The following ZNF429 variants were observed in gnomAD, a reference collection of about 807,000 sequenced individuals.
ZNF429 encodes zinc finger protein 429.
ZNF429 carries 53 observed loss-of-function variants against 56.8 expected under a neutral mutation model. That is an observed-to-expected ratio of 0.93 (90% CI 0.75 to 1.17). The LOEUF (loss-of-function observed/expected upper bound fraction) is 1.17. ZNF429 is among the 50% of genes most tolerant of loss of function. The pLI is 0.00. For missense variants in ZNF429, 849 were observed against 788.4 expected (o/e 1.08, Z -0.92); for synonymous variants, 278 against 264.7 (o/e 1.05, Z -0.49).
intron 1 of ZNF429, chr19:21,521,922 A>T (rs1599459907): frequency 6.6e-6 from 1 of 152,312 alleles, no homozygotes. Flanking sequence ...CTGATGTGGC[A>T]CTGGAGTGCT....
At position 21,539,995 on chromosome 19, in the gene ZNF429, A is replaced by G. The variant is rs549101867; in HGVS notation, c.*1917A>G. Among the ~76,000 whole-genome samples the G allele has an allele frequency of 1.3e-5, 2 of 152,262 alleles. No individual in the cohort carries two copies. The highest frequency in any genetic ancestry group is 1.3e-4 in the Admixed American group (2 of 15,286). ...TTGTGGTTAACTTATTGAGTGATGT[A>G]TGAGGTCGATGTTCAGAGTAATATG... is the stretch of plus-strand genomic sequence containing the variant. On this transcript the variant is annotated 3_prime_UTR_variant, in exon 4 of 4. Transcript: ENST00000358491.
intron 1 of ZNF429, among the ~76,000 whole-genome samples, chr19:21,519,866 A>ATTTTT (rs33916077): frequency 6.9e-6 from 1 of 145,066 alleles, no homozygotes; most frequent in African/African-American, 2.6e-5. Flanking sequence ...GCACCCATGA[A>ATTTTT]TTTTTTTTTT....
At chr19:21,534,303 T>TGCCCAGGCCTGGTCTCAAAC in intron 3 of ZNF429, among the ~76,000 whole-genome samples, 1 of 145,668 alleles carries the variant, frequency 6.9e-6, no homozygotes, top group African/African-American at 2.5e-5. Context: ...ATTTTCCAGT[T>TGCCCAGGCCTGGTCTCAAAC]TTACTTTTGC....
In ZNF429 at chr19:21,535,628, C is replaced by T; in HGVS notation, c.227-652C>T. ...TTTCTGGGTTCAAGTGATTCTCCTG[C>T]CTCAGCCTTCTGAGTAGCTGGGATT... On this transcript the variant is annotated intron_variant, in intron 3 of 3. Transcript: ENST00000358491. 7.9e-5 allele frequency among the ~76,000 whole-genome samples: 12 copies of T among 151,580 alleles called. No homozygotes were observed. The South Asian group carries it at 2.3e-3, about 29-fold the overall frequency.
intron 3 of ZNF429, among the ~76,000 whole-genome samples, chr19:21,533,079 C>T: frequency 6.8e-6 from 1 of 148,098 alleles, no homozygotes; most frequent in African/African-American, 2.5e-5. Context: ...CCACAATGAA[C>T]ATGGGTTTCA....
chr19:21,509,619 T>C (rs1199393644), intron 1 of ZNF429, among the ~76,000 whole-genome samples: 1 of 152,120 alleles, frequency 6.6e-6, no homozygotes. Context: ...ACCCCAGCCA[T>C]GGAAGGAGGC....
At chr19:21,517,841 T>C (rs2032821767) in intron 1 of ZNF429, among the ~76,000 whole-genome samples, 1 of 150,692 alleles carries the variant, frequency 6.6e-6, no homozygotes, top group Non-Finnish European at 1.5e-5. Flanking sequence ...TCACCCAGGC[T>C]GGAGTACAGT....
chr19:21,535,772 C>T, intron 3 of ZNF429, among the ~76,000 whole-genome samples: 3 of 151,966 alleles, frequency 2.0e-5, no homozygotes, highest in African/African-American at 7.3e-5. Flanking sequence ...CCTTGGCCTC[C>T]AAAGTGCTGG....
rs562672776 is a variant in ZNF429 at position 21,525,492 on chromosome 19, T to C, written c.4-4166T>C. 1.6e-4 allele frequency among the ~76,000 whole-genome samples: 24 copies of C among 152,266 alleles called. No individual in the cohort carries two copies. In the South Asian group the frequency reaches 5.0e-3, roughly 32 times the overall value. On this transcript the variant is annotated intron_variant, in intron 1 of 3. Coordinates refer to ENST00000358491, the MANE Select transcript of ZNF429 (RefSeq NM_001001415.4). Reference sequence around the variant, plus strand: ...AGATTCACCCTTTTTGGATGCCTTATTTTGGTCTGGCCCCACTCTGGAGCC... The same window carrying C: ...AGATTCACCCTTTTTGGATGCCTTACTTTGGTCTGGCCCCACTCTGGAGCC...
At chr19:21,506,827 T>G (rs1197072498) in intron 1 of ZNF429, among the ~76,000 whole-genome samples, 1 of 144,800 alleles carries the variant, frequency 6.9e-6, no homozygotes, top group Non-Finnish European at 1.5e-5. Context: ...TGGACTGCAG[T>G]GGCGCGATCT....
intron 1 of ZNF429, among the ~76,000 whole-genome samples, chr19:21,527,795 T>G (rs1410696180): frequency 6.6e-6 from 1 of 152,158 alleles, no homozygotes; most frequent in African/African-American, 2.4e-5. Context: ...AGTCTCAAGA[T>G]GCAGGTGTGA....
chr19:21,534,307 C>G lies in ZNF429; in HGVS notation c.227-1973C>G. On this transcript the variant is annotated intron_variant, in intron 3 of 3. Coordinates refer to ENST00000358491, the MANE Select transcript of ZNF429 (RefSeq NM_001001415.4). ...TATATTTTTGGATTTTCCAGTTTTACTTTTGCTTTTAGTTCCTAGTTTTAT... is the reference window on the plus strand; with the variant it reads ...TATATTTTTGGATTTTCCAGTTTTAGTTTTGCTTTTAGTTCCTAGTTTTAT... 4.0e-5 allele frequency among the ~76,000 whole-genome samples: 4 copies of G among 100,756 alleles called. 1 individual carries two copies. The highest frequency in any genetic ancestry group is 9.0e-5 in the Non-Finnish European group (4 of 44,294). 66.1% of individuals were successfully genotyped at this position (100,756 alleles called of 152,430 possible).
At chr19:21,519,738 A>C (rs1373870231) in intron 1 of ZNF429, among the ~76,000 whole-genome samples, 1 of 152,144 alleles carries the variant, frequency 6.6e-6, no homozygotes. Context: ...CGGTCTTTCC[A>C]GTCTCCTAAT....
intron 1 of ZNF429, among the ~76,000 whole-genome samples, chr19:21,527,791 A>T (rs2033222510): frequency 6.6e-6 from 1 of 152,136 alleles, no homozygotes; most frequent in Non-Finnish European, 1.5e-5. Context: ...GCATAGTCTC[A>T]AGATGCAGGT....
At chr19:21,520,250 C>T (rs2032942738) in intron 1 of ZNF429, among the ~76,000 whole-genome samples, 1 of 152,196 alleles carries the variant, frequency 6.6e-6, no homozygotes, top group South Asian at 2.1e-4. Context: ...CCCAAGGCTA[C>T]ACCTTAGATA....
intron 3 of ZNF429, among the ~76,000 whole-genome samples, chr19:21,535,449 TTTCTTTCTTTCTTTC>T: frequency 9.7e-6 from 1 of 102,622 alleles, no homozygotes; most frequent in Non-Finnish European, 1.9e-5. Context: ...TCTTTCTTTC[TTTCTTTCTTTCTTTC>T]TTTCTTTCTT....
intron 1 of ZNF429, 87 bp downstream of exon 1, chr19:21,505,861 G>T: frequency 6.9e-7 from 1 of 1,459,544 alleles, no homozygotes; most frequent in Non-Finnish European, 9.5e-7. Context: ...TAGGTCTCCC[G>T]GCAGTCAGCT....
chr19:21,530,019 G>A, intron 2 of ZNF429, among the ~76,000 whole-genome samples: 5 of 152,056 alleles, frequency 3.3e-5, no homozygotes, highest in Admixed American at 2.6e-4. Flanking sequence ...GTGAAACCCC[G>A]TCTCTACTAA....
In ZNF429 at chr19:21,537,176, G is replaced by A. The variant is rs1262007821; in HGVS notation, c.1123G>A (p.Gly375Ser). 6.2e-7 allele frequency: 1 copy of A among 1,613,960 alleles called. No individual in the cohort carries two copies. The highest frequency in any genetic ancestry group is 2.2e-5 in the East Asian group (1 of 44,840). ...GEKPYKCEEC[G>S]KAFNQSSRLT... Reference sequence around the variant, plus strand: ...GAAGCCCTACAAATGTGAAGAATGTGGCAAAGCTTTTAACCAGTCTTCAAG... The same window carrying A: ...GAAGCCCTACAAATGTGAAGAATGTAGCAAAGCTTTTAACCAGTCTTCAAG... The change falls in exon 4 of 4, where the codon GGC (glycine) becomes AGC (serine). Residue 375 changes from glycine (G) to serine (S), a missense_variant. Gly to Ser is a moderately conservative substitution (Grantham distance 56). Coordinates refer to ENST00000358491, the MANE Select transcript of ZNF429 (RefSeq NM_001001415.4).
Sources: allele counts gnomAD v4.1 joint callset (sites outside exome capture counted in the v4.1 genomes callset), GRCh38; gene constraint gnomAD v4.1.1; transcripts MANE v1.5; gene names NCBI Gene and HGNC (gene_info 2026-07-23, HGNC 2026-07-21).